Variants in MBOAT2 observed in about 807,000 individuals in gnomAD.
MBOAT2 encodes membrane-bound glycerophospholipid O-acyltransferase 2.
MBOAT2 carries 28 observed loss-of-function variants against 63.4 expected under a neutral mutation model. That is an observed-to-expected ratio of 0.44 (90% confidence interval 0.33 to 0.61). MBOAT2 has a LOEUF of 0.61. Ranked by LOEUF, MBOAT2 falls within the 20% of genes least tolerant of loss-of-function variation. The pLI is 0.03. For missense variants in MBOAT2, 470 were observed against 605.8 expected (o/e 0.78, Z 2.35); for synonymous variants, 211 against 215.6 (o/e 0.98, Z 0.19).
Position 8,857,412 on chromosome 2 carries a change from T to A in MBOAT2, c.*1267A>T, listed in dbSNP as rs941921460. The stretch of plus-strand genomic sequence containing the variant: ...AGATGCTTAGTAATCCAAGGCAAGA[T>A]TAGTTGTGGTAAAAATGGCCCATAA... On this transcript the variant is annotated 3_prime_UTR_variant, in exon 13 of 13. Transcript: ENST00000305997. 2.6e-5 allele frequency: 4 copies of A among 152,366 alleles called. No homozygotes were observed. The highest frequency in any genetic ancestry group is 2.0e-4 in the Admixed American group (3 of 15,288). 9.4% of individuals were successfully genotyped at this position (152,366 alleles called of 1,614,324 possible). A position where few individuals can be genotyped will look rare whatever the true frequency, so the allele number is the denominator to read the frequency against.
intron 1 of MBOAT2, among the ~76,000 whole-genome samples, chr2:8,962,364 A>C (rs1012976864): frequency 6.6e-6 from 1 of 152,220 alleles, no homozygotes; most frequent in African/African-American, 2.4e-5. Context: ...CTTTAGTACC[A>C]GTCACCTATA....
At position 8,865,816 on chromosome 2, in the gene MBOAT2, C is replaced by T. The variant is rs1049236603; in HGVS notation, c.988-1582G>A. On this transcript the variant is annotated intron_variant, in intron 9 of 12. Coordinates refer to ENST00000305997, the MANE Select transcript of MBOAT2 (RefSeq NM_138799.4). Reference sequence around the variant, plus strand: ...CTTTGGGAGGCCGAGGTGGGTAGATCGCCTGAAGTCAGGAGTTCGAGACTA... The same window carrying T: ...CTTTGGGAGGCCGAGGTGGGTAGATTGCCTGAAGTCAGGAGTTCGAGACTA... Among the ~76,000 whole-genome samples, 42 of 152,286 alleles carry T rather than the reference C, an allele frequency of 2.8e-4. 2 individuals carry two copies. The highest frequency in any genetic ancestry group is 7.5e-4 in the African/African-American group (31 of 41,554).
In MBOAT2 at chr2:8,855,470, G is replaced by T. The variant is rs1278997217; in HGVS notation, c.*3209C>A. 2 of 152,178 alleles carry T rather than the reference G, an allele frequency of 1.3e-5. No homozygotes were observed. The highest frequency in any genetic ancestry group is 2.4e-5 in the African/African-American group (1 of 41,436). The allele number at this position is 152,178 out of a possible 1,614,324, so 9.4% of individuals were successfully genotyped here. The stretch of plus-strand genomic sequence containing the variant: ...TTACTGCACATTTTTCTCAAAAGTG[G>T]TATGTTTGGAAATCCTGTGTGTGTC... On this transcript the variant is annotated 3_prime_UTR_variant, in exon 13 of 13. Transcript: ENST00000305997.
At chr2:8,936,786 C>CAAAAAAA (rs745694357) in intron 3 of MBOAT2, among the ~76,000 whole-genome samples, 4 of 56,262 alleles carry the variant, frequency 7.1e-5, no homozygotes, top group African/African-American at 2.0e-4. Flanking sequence ...GACTCCGTCT[C>CAAAAAAA]AAAAAAAAAA....
rs140783840 is a variant in MBOAT2, at chr2:8,896,953, G to C, written c.396-8880C>G. Among the ~76,000 whole-genome samples, 59 of 152,328 alleles carry C rather than the reference G, an allele frequency of 3.9e-4. No individual in the cohort carries two copies. In the East Asian group the frequency reaches 0.01, roughly 27 times the overall value. The stretch of plus-strand genomic sequence containing the variant: ...TAAGGATTTTTGATAGGAAGGCTAC[G>C]GGCTGTCAGTGGCCTCAGTGCTTTC... On this transcript the variant is annotated intron_variant, in intron 4 of 12. Coordinates refer to ENST00000305997, the MANE Select transcript of MBOAT2 (RefSeq NM_138799.4).
intron 3 of MBOAT2, among the ~76,000 whole-genome samples, chr2:8,925,747 T>C (rs1340857862): frequency 6.6e-6 from 1 of 152,214 alleles, no homozygotes; most frequent in Non-Finnish European, 1.5e-5. Flanking sequence ...AAGGCAAATG[T>C]GTACTGGCTC....
At chr2:8,917,907 T>G (rs930450858) in intron 3 of MBOAT2, among the ~76,000 whole-genome samples, 1 of 152,202 alleles carries the variant, frequency 6.6e-6, no homozygotes, top group Non-Finnish European at 1.5e-5. Context: ...GAACAAACTG[T>G]GAAACACAAC....
At chr2:8,889,356 C>A (rs147460602) in intron 4 of MBOAT2, among the ~76,000 whole-genome samples, 1 of 152,346 alleles carries the variant, frequency 6.6e-6, no homozygotes, top group East Asian at 1.9e-4. Flanking sequence ...TGAGAAGCTA[C>A]AGCTCATTCT....
At chr2:9,000,492 T>C (rs1350362067) in intron 1 of MBOAT2, among the ~76,000 whole-genome samples, 1 of 152,260 alleles carries the variant, frequency 6.6e-6, no homozygotes, top group Non-Finnish European at 1.5e-5. Flanking sequence ...CTATGAAAAG[T>C]TAAGGCTTGT....
chr2:8,891,660 C>T (rs1344565912), intron 4 of MBOAT2, among the ~76,000 whole-genome samples: 1 of 152,092 alleles, frequency 6.6e-6, no homozygotes, highest in African/African-American at 2.4e-5. Flanking sequence ...AGTATCTAAC[C>T]ACTTCCTGGG....
At chr2:8,872,384 C>A (rs1461823916) in intron 8 of MBOAT2, among the ~76,000 whole-genome samples, 1 of 152,158 alleles carries the variant, frequency 6.6e-6, no homozygotes, top group Non-Finnish European at 1.5e-5. Flanking sequence ...CTCAAGCGGT[C>A]CTCTCACCCC....
rs117271479 is a variant in MBOAT2, at chr2:8,941,638, A to G, written c.299+1549T>C. Among the ~76,000 whole-genome samples the G allele has an allele frequency of 1.7e-3, 251 of 151,488 alleles. 4 individuals carry two copies. The East Asian group carries it at 0.045, about 27-fold the overall frequency. ...GCACTTCACCCTAGGCAACAGAGTG[A>G]GACTCCGTCTCAAAGGAAAAAAAAA... On this transcript the variant is annotated intron_variant, in intron 3 of 12. Transcript: ENST00000305997.
At chr2:8,976,749 A>G (rs893710484) in intron 1 of MBOAT2, among the ~76,000 whole-genome samples, 1 of 152,166 alleles carries the variant, frequency 6.6e-6, no homozygotes, top group African/African-American at 2.4e-5. Context: ...AATACCAGCA[A>G]ATCAGAAGAC....
chr2:8,990,565 C>T (rs1671856295), intron 1 of MBOAT2, among the ~76,000 whole-genome samples: 2 of 152,056 alleles, frequency 1.3e-5, no homozygotes, highest in South Asian at 4.1e-4. Flanking sequence ...ACTTTATAAT[C>T]CTATAAAGTA....
chr2:8,971,898 C>T (rs1049656723), intron 1 of MBOAT2, among the ~76,000 whole-genome samples: 1 of 152,192 alleles, frequency 6.6e-6, no homozygotes, highest in Non-Finnish European at 1.5e-5. Flanking sequence ...ACATTCCATG[C>T]TCATGGGTAG....
intron 1 of MBOAT2, among the ~76,000 whole-genome samples, chr2:8,974,933 A>C (rs772554653): frequency 6.6e-6 from 1 of 152,130 alleles, no homozygotes; most frequent in Non-Finnish European, 1.5e-5. Flanking sequence ...TTTTCCAAGC[A>C]TAATGTAAGC....
intron 6 of MBOAT2, among the ~76,000 whole-genome samples, chr2:8,881,324 G>A (rs180683193): frequency 2.0e-5 from 3 of 152,110 alleles, no homozygotes; most frequent in Admixed American, 6.5e-5. Context: ...TATGGGGGAC[G>A]GTGTGTTAGA....
chr2:8,924,062 G>A (rs1186060402), intron 3 of MBOAT2, among the ~76,000 whole-genome samples: 1 of 152,180 alleles, frequency 6.6e-6, no homozygotes, highest in African/African-American at 2.4e-5. Context: ...CCCTCACTAA[G>A]AAGAGTAAAC....
At chr2:8,868,643 TTA>T in intron 8 of MBOAT2, 94 bp from the exon 9 acceptor site, 1 of 976,408 alleles carries the variant, frequency 1.0e-6, no homozygotes, top group Non-Finnish European at 1.5e-6. Flanking sequence ...TCTTTTATTC[TTA>T]AACAGTAAAA....
Sources: gnomAD v4.1 joint callset for allele counts (sites outside exome capture counted in the v4.1 genomes callset) on GRCh38, gnomAD v4.1.1 for gene constraint, MANE v1.5 for transcripts, NCBI Gene and HGNC (gene_info 2026-07-23, HGNC 2026-07-21) for gene names.